The following EFCAB14 variants were observed in gnomAD, a reference collection of about 807,000 sequenced individuals.
EFCAB14 encodes the protein EF-hand calcium binding domain 14, also known as EF-hand calcium-binding domain-containing protein 14.
In EFCAB14, 43 loss-of-function variants were observed where a neutral mutation model predicts 56.5. The ratio of observed to expected loss-of-function variants is 0.76; its 90% CI spans 0.60 to 0.98. The LOEUF is 0.98. EFCAB14 is among the 50% of genes least tolerant of loss of function. EFCAB14 has a pLI of 0.00. For synonymous variants in EFCAB14, 235 were observed against 212.9 expected, an observed-to-expected ratio of 1.10 and a Z score of -0.90; for missense variants, 538 against 580.3, an observed-to-expected ratio of 0.93 and a Z score of 0.75.
chr1:46,717,537 T>A (rs997431578), intron 1 of EFCAB14, among the ~76,000 whole-genome samples: 9 of 152,152 alleles, frequency 5.9e-5, no homozygotes, highest in African/African-American at 2.2e-4. Flanking sequence ...TAATCTGCAG[T>A]CTTAAAGTCT....
At position 46,696,638 on chromosome 1, in the gene EFCAB14, C is replaced by G. The variant is rs748202600; in HGVS notation, c.492G>C (p.Leu164Phe). The change falls in exon 4 of 11, where the codon TTG becomes TTC. Residue 164 changes from leucine (L) to phenylalanine (F), a missense_variant. Coordinates refer to ENST00000371933, the MANE Select transcript of EFCAB14 (RefSeq NM_014774.3). The stretch of plus-strand genomic sequence containing the variant: ...CTTTGAGGTGGTTCACTGCAGAAGT[C>G]AACAGAGAAATCTGAACAAAAAAGA... ...ITEMNKQISL[L>F]TSAVNHLKAN... is the part of the protein sequence containing the mutation. 1 of 1,613,204 alleles carries G rather than the reference C, an allele frequency of 6.2e-7. No homozygotes were observed. The highest frequency in any genetic ancestry group is 1.1e-5 in the South Asian group (1 of 91,010).
At chr1:46,683,557 T>C (rs574070382) in intron 9 of EFCAB14, 132 bp from the exon 10 acceptor site, 3 of 971,096 alleles carry the variant, frequency 3.1e-6, no homozygotes, top group East Asian at 5.4e-5. Context: ...TAAAGTAGCA[T>C]AGTGACTATG....
Position 46,688,492 on chromosome 1 carries a change from C to T in EFCAB14, c.848G>A (p.Gly283Glu). ...TTTAAGATCATTCTGTCTCTGGTAC[C>T]CCACTAGGGCACTGTTTACCTCCTC... ...SLEEVNSALV[G>E]YQRQNDLKLE... The change falls in exon 7 of 11, where the codon GGG (glycine) becomes GAG (glutamate). Residue 283 changes from glycine (G) to glutamate (E), a missense_variant. Gly to Glu is a moderately conservative substitution (Grantham distance 98). Coordinates refer to ENST00000371933, the MANE Select transcript of EFCAB14 (RefSeq NM_014774.3). 1.2e-6 allele frequency: 2 copies of T among 1,613,850 alleles called. No individual in the cohort carries two copies. The highest frequency in any genetic ancestry group is 1.7e-5 in the Admixed American group (1 of 59,970).
Position 46,699,942 on chromosome 1 carries a change from C to CCCAGAATG in EFCAB14, c.481-3294_481-3293insCATTCTGG, listed in dbSNP as rs1187296862. ...GAAGGGAGCTGCCATGCTGTGAGGA[C>CCCAGAATG]ACTCGAGTAGCCCCAGAATGACAAG... On this transcript the variant is annotated intron_variant, in intron 3 of 10. Transcript: ENST00000371933. 3.3e-5 allele frequency among the ~76,000 whole-genome samples: 5 copies of CCCAGAATG among 152,308 alleles called. No homozygotes were observed. The South Asian group carries it at 1.0e-3, about 32-fold the overall frequency.
intron 10 of EFCAB14, 39 bp downstream of exon 10, chr1:46,683,261 T>C (rs1281706111): frequency 1.9e-6 from 3 of 1,592,676 alleles, no homozygotes; most frequent in Non-Finnish European, 2.6e-6. Flanking sequence ...GTTATTACTT[T>C]GAACATTCCC....
chr1:46,679,739 T>A (rs1676761794), intron 10 of EFCAB14, among the ~76,000 whole-genome samples: 1 of 151,040 alleles, frequency 6.6e-6, no homozygotes, highest in Non-Finnish European at 1.5e-5. Flanking sequence ...GCCTCCTTAG[T>A]AGCTGGCATG....
chr1:46,714,678 A>G (rs1019060740), intron 2 of EFCAB14, among the ~76,000 whole-genome samples: 9 of 151,672 alleles, frequency 5.9e-5, no homozygotes, highest in African/African-American at 1.9e-4. Flanking sequence ...AGTTTCAGCT[A>G]TTGGGATTGG....
chr1:46,717,855 A>T (rs900086476), intron 1 of EFCAB14, 48 bp downstream of exon 1: 7 of 1,571,784 alleles, frequency 4.5e-6, no homozygotes, highest in Non-Finnish European at 6.1e-6. Context: ...GCCCCTTGGT[A>T]GTGCAAGGAG....
intron 3 of EFCAB14, among the ~76,000 whole-genome samples, chr1:46,701,700 A>G (rs1368770652): frequency 6.6e-6 from 1 of 152,236 alleles, no homozygotes; most frequent in East Asian, 1.9e-4. Context: ...TCTGTGCTGC[A>G]AACACTCTAT....
At position 46,677,986 on chromosome 1, in the gene EFCAB14, A is replaced by C. The variant is rs983117979; in HGVS notation, c.*475T>G. ...AAACCATTCTTCCTACTTTCCACAC[A>C]ATATGCACAATGCTTTCTTTCATTT... On this transcript the variant is annotated 3_prime_UTR_variant, in exon 11 of 11. Transcript: ENST00000371933. 1.3e-5 allele frequency: 2 copies of C among 154,020 alleles called. No individual in the cohort carries two copies. Among genetic ancestry groups the C allele is most frequent in the African/African-American group, 4.8e-5 (2 of 41,452 alleles). 9.5% of individuals were successfully genotyped at this position (154,020 alleles called of 1,614,324 possible).
chr1:46,710,014 A>C (rs1181341747), intron 2 of EFCAB14, among the ~76,000 whole-genome samples: 4 of 152,066 alleles, frequency 2.6e-5, no homozygotes. Flanking sequence ...AACAAACAAA[A>C]CCAAATAAAA....
In EFCAB14 at chr1:46,703,266, C is replaced by T. The variant is rs11806569; in HGVS notation, c.480+4640G>A. Among the ~76,000 whole-genome samples, 411 of 152,238 alleles carry T rather than the reference C, an allele frequency of 2.7e-3. 2 individuals carry two copies. Among genetic ancestry groups the T allele is most frequent in the African/African-American group, 9.6e-3 (400 of 41,538 alleles). ...CTGGGATTACAGGTGCTCGCCACCA[C>T]GCCTGGCTAATTTTTGTATTTTTAG... On this transcript the variant is annotated intron_variant, in intron 3 of 10. Transcript: ENST00000371933.
At position 46,677,587 on chromosome 1, in the gene EFCAB14, G is replaced by A; in HGVS notation, c.*874C>T. 6.6e-6 allele frequency: 1 copy of A among 152,154 alleles called. No homozygotes were observed. The highest frequency in any genetic ancestry group is 1.5e-5 in the Non-Finnish European group (1 of 68,046). The allele number at this position is 152,154 out of a possible 1,614,324, so 9.4% of individuals were successfully genotyped here. A position where few individuals can be genotyped will look rare whatever the true frequency, so the allele number is the denominator to read the frequency against. ...CTACGGCTTTAAGACAGACTTAAGT[G>A]GGTGGGTGGGGAAGGCAATCTAGCT... On this transcript the variant is annotated 3_prime_UTR_variant, in exon 11 of 11. Coordinates refer to ENST00000371933, the MANE Select transcript of EFCAB14 (RefSeq NM_014774.3).
Position 46,693,068 on chromosome 1 carries a change from T to C in EFCAB14, c.580-1131A>G, listed in dbSNP as rs147151287. 4.2e-3 allele frequency among the ~76,000 whole-genome samples: 641 copies of C among 152,132 alleles called. 1 individual carries two copies. The highest frequency in any genetic ancestry group is 0.014 in the African/African-American group (589 of 41,504). ...CCATATCTGGCTTTGGGAAACTCAATACTGCAGAGATGAAAAAAAAGTAGA... is the reference window on the plus strand; with the variant it reads ...CCATATCTGGCTTTGGGAAACTCAACACTGCAGAGATGAAAAAAAAGTAGA... On this transcript the variant is annotated intron_variant, in intron 4 of 10. Transcript: ENST00000371933.
chr1:46,689,488 G>C (rs528559685), intron 6 of EFCAB14, 99 bp downstream of exon 6: 2 of 1,105,198 alleles, frequency 1.8e-6, no homozygotes, highest in Non-Finnish European at 2.7e-6. Context: ...AATAAATACA[G>C]GATGCACCTG....
chr1:46,678,435 C>A lies in EFCAB14; in HGVS notation c.*26G>T. The A allele has an allele frequency of 6.2e-7, 1 of 1,612,900 alleles. No homozygotes were observed. Among genetic ancestry groups the A allele is most frequent in the South Asian group, 1.1e-5 (1 of 90,998 alleles). ...GTTAGGTAAATAGATATTAGGCAGT[C>A]CATTTCTAAAATATGCCTGATGAAG... is the stretch of plus-strand genomic sequence containing the variant. On this transcript the variant is annotated 3_prime_UTR_variant, in exon 11 of 11. Coordinates refer to ENST00000371933, the MANE Select transcript of EFCAB14 (RefSeq NM_014774.3).
At chr1:46,679,433 T>C (rs892381135) in intron 10 of EFCAB14, among the ~76,000 whole-genome samples, 5 of 151,886 alleles carry the variant, frequency 3.3e-5, no homozygotes. Flanking sequence ...CCTGCGTAGC[T>C]GGGATTACAG....
chr1:46,681,762 G>A (rs746894619), intron 10 of EFCAB14, among the ~76,000 whole-genome samples: 31 of 152,036 alleles, frequency 2.0e-4, no homozygotes, highest in South Asian at 4.1e-4. Context: ...GCTGCCTCAG[G>A]TCATTCCAAA....
rs1676827592 is a variant in EFCAB14 at position 46,683,377 on chromosome 1, GA to G, written c.1234del (p.Ser412HisfsTer14). 6.2e-7 allele frequency: 1 copy of G among 1,614,050 alleles called. No homozygotes were observed. The highest frequency in any genetic ancestry group is 8.5e-7 in the Non-Finnish European group (1 of 1,179,956). On this transcript the variant is annotated frameshift_variant, in exon 10 of 11. Coordinates refer to ENST00000371933, the MANE Select transcript of EFCAB14 (RefSeq NM_014774.3). LOFTEE classifies it high-confidence loss of function. The stretch of plus-strand genomic sequence containing the variant: ...CTCAACTGGGTCTCCAAGAAACTGT[GA>G]AAATTTTGGCAATGCTGATGGCTTT... Reference protein sequence around the residue: ...TSKPSALPKFSQFLGDPVEKA... With the variant: ...TSKPSALPKFXQFLGDPVEKA...
Sources: gnomAD v4.1 joint callset for allele counts (sites outside exome capture counted in the v4.1 genomes callset) on GRCh38, gnomAD v4.1.1 for gene constraint, MANE v1.5 for transcripts, NCBI Gene and HGNC (gene_info 2026-07-23, HGNC 2026-07-21) for gene names.